The following CAMSAP2 variants were observed in gnomAD, a reference collection of about 807,000 sequenced individuals.
CAMSAP2 encodes the protein calmodulin-regulated spectrin-associated protein 2.
In CAMSAP2, 26 loss-of-function variants were observed where a neutral mutation model predicts 146.1. The observed-to-expected ratio is 0.18, with a 90% CI of 0.13 to 0.25. The LOEUF is 0.25. Ranked by LOEUF, CAMSAP2 falls within the 10% of genes least tolerant of loss-of-function variation. The probability of loss-of-function intolerance (pLI) is 1.00; values close to 1 mark genes in which losing one functional copy is unlikely to be tolerated. For missense variants in CAMSAP2, 1,381 were observed against 1,759.3 expected (o/e 0.78, Z 3.85); for synonymous variants, 499 against 596.6 (o/e 0.84, Z 2.38).
At chr1:200,783,314 T>C (rs7538416) in intron 2 of CAMSAP2, among the ~76,000 whole-genome samples, 26,199 of 152,170 alleles carry the variant, frequency 0.17, 3,001 homozygotes, top group East Asian at 0.35. Context: ...TTTGTATGCT[T>C]ACTGGTCATT....
At chr1:200,816,747 CGTGT>C (rs1460324470) in intron 4 of CAMSAP2, among the ~76,000 whole-genome samples, 3 of 88,386 alleles carry the variant, frequency 3.4e-5, no homozygotes, top group African/African-American at 1.6e-4. Flanking sequence ...CACACACACG[CGTGT>C]ATATATGTGT....
At chr1:200,809,008 G>T (rs1305954491) in intron 3 of CAMSAP2, among the ~76,000 whole-genome samples, 1 of 152,198 alleles carries the variant, frequency 6.6e-6, no homozygotes, top group East Asian at 1.9e-4. Context: ...CAAGGAAGTT[G>T]GTTTCACTTT....
At chr1:200,746,244 C>T (rs1664318234) in intron 1 of CAMSAP2, among the ~76,000 whole-genome samples, 1 of 152,082 alleles carries the variant, frequency 6.6e-6, no homozygotes, top group Admixed American at 6.5e-5. Flanking sequence ...GAGGAAACCA[C>T]AGGGAAGTTA....
chr1:200,804,351 C>T lies in CAMSAP2; in HGVS notation c.400-3025C>T, dbSNP rs12079104. On this transcript the variant is annotated intron_variant, in intron 2 of 16. Transcript: ENST00000358823. ...ACTCAATTTTATATTGTACACATTT[C>T]CCTTATTTTTAAATAGTTTAATATA... 9.7e-3 allele frequency among the ~76,000 whole-genome samples: 1,476 copies of T among 151,928 alleles called. 24 individuals are homozygous for T. The highest frequency in any genetic ancestry group is 0.033 in the African/African-American group (1,367 of 41,428).
chr1:200,810,785 A>C (rs1186264402), intron 3 of CAMSAP2, among the ~76,000 whole-genome samples: 1 of 152,020 alleles, frequency 6.6e-6, no homozygotes, highest in Non-Finnish European at 1.5e-5. Context: ...GCTACTTGGG[A>C]GGCTGAGACA....
intron 6 of CAMSAP2, among the ~76,000 whole-genome samples, chr1:200,835,280 C>T (rs926262392): frequency 2.0e-5 from 3 of 152,062 alleles, no homozygotes; most frequent in South Asian, 2.1e-4. Context: ...AAGAAAGGAG[C>T]GTTAAACAAG....
intron 2 of CAMSAP2, among the ~76,000 whole-genome samples, chr1:200,771,150 G>T (rs12038475): frequency 0.084 from 12,774 of 152,128 alleles, 1,101 homozygotes; most frequent in East Asian, 0.35. Context: ...GGAATCCCAA[G>T]AATAGGAATA....
intron 4 of CAMSAP2, among the ~76,000 whole-genome samples, chr1:200,825,327 A>G (rs1666876955): frequency 1.3e-5 from 2 of 152,184 alleles, no homozygotes; most frequent in South Asian, 4.1e-4. Flanking sequence ...CTTATTCCAC[A>G]TGTACTCCCT....
intron 1 of CAMSAP2, among the ~76,000 whole-genome samples, chr1:200,740,755 C>G (rs1664144645): frequency 6.6e-6 from 1 of 152,118 alleles, no homozygotes; most frequent in Non-Finnish European, 1.5e-5. Flanking sequence ...CCCTCCATAA[C>G]CCAGTCTTTG....
chr1:200,821,003 C>G (rs1666746695), intron 4 of CAMSAP2, among the ~76,000 whole-genome samples: 1 of 152,044 alleles, frequency 6.6e-6, no homozygotes. Context: ...GCGCATCATT[C>G]TCAGATACAT....
intron 1 of CAMSAP2, among the ~76,000 whole-genome samples, chr1:200,760,475 A>G (rs56942161): frequency 2.8e-3 from 426 of 152,330 alleles, no homozygotes; most frequent in African/African-American, 9.4e-3. Flanking sequence ...CCATGTTGAC[A>G]GCTTGCCTGT....
At chr1:200,821,689 A>G (rs1298620434) in intron 4 of CAMSAP2, among the ~76,000 whole-genome samples, 1 of 152,118 alleles carries the variant, frequency 6.6e-6, no homozygotes, top group Non-Finnish European at 1.5e-5. Flanking sequence ...TAATATCAAC[A>G]TACCTTTTCT....
chr1:200,759,615 G>A (rs1664745065), intron 1 of CAMSAP2, among the ~76,000 whole-genome samples: 1 of 152,152 alleles, frequency 6.6e-6, no homozygotes, highest in Non-Finnish European at 1.5e-5. Flanking sequence ...TAGTATTGTG[G>A]CATTATTGAG....
intron 7 of CAMSAP2, among the ~76,000 whole-genome samples, chr1:200,842,823 A>G (rs1473870119): frequency 1.3e-5 from 2 of 152,012 alleles, no homozygotes; most frequent in African/African-American, 4.8e-5. Context: ...TAAAAATACA[A>G]AAATTAGCCG....
chr1:200,803,047 T>C (rs4915458), intron 2 of CAMSAP2, among the ~76,000 whole-genome samples: 44,200 of 152,130 alleles, frequency 0.29, 7,293 homozygotes, highest in Non-Finnish European at 0.39. Flanking sequence ...TTCCTGCTGC[T>C]GCTCTTAGAT....
chr1:200,823,953 A>G (rs1666838042), intron 4 of CAMSAP2, among the ~76,000 whole-genome samples: 3 of 152,166 alleles, frequency 2.0e-5, no homozygotes, highest in African/African-American at 7.2e-5. Flanking sequence ...GTTACAATCT[A>G]ATACTGCGTT....
intron 1 of CAMSAP2, among the ~76,000 whole-genome samples, chr1:200,758,278 A>G (rs1482679192): frequency 2.6e-5 from 4 of 152,218 alleles, no homozygotes. Context: ...AATAACTTAT[A>G]TTAGCCATTT....
intron 1 of CAMSAP2, among the ~76,000 whole-genome samples, chr1:200,755,681 C>G (rs996877274): frequency 1.3e-5 from 2 of 152,152 alleles, no homozygotes; most frequent in Non-Finnish European, 2.9e-5. Flanking sequence ...GTGTAGGTAC[C>G]GTACAGTCTT....
intron 2 of CAMSAP2, among the ~76,000 whole-genome samples, chr1:200,775,757 C>T (rs1665253083): frequency 6.6e-6 from 1 of 152,178 alleles, no homozygotes; most frequent in Non-Finnish European, 1.5e-5. Context: ...TCTCGAACTC[C>T]TGACCTCAGG....
Sources: gnomAD v4.1 joint callset for allele counts (sites outside exome capture counted in the v4.1 genomes callset) on GRCh38, gnomAD v4.1.1 for gene constraint, MANE v1.5 for transcripts, NCBI Gene and HGNC (gene_info 2026-07-23, HGNC 2026-07-21) for gene names.